ARHGAP26: variants seen among roughly 807,000 people sequenced by gnomAD.
The protein encoded by ARHGAP26 is rho GTPase-activating protein 26.
ARHGAP26 carries 38 observed loss-of-function variants against 104.8 expected under a neutral mutation model. The observed-to-expected ratio is 0.36, with a 90% CI of 0.28 to 0.48. The LOEUF (loss-of-function observed/expected upper bound fraction) is 0.48. ARHGAP26 is among the 20% of genes least tolerant of loss of function. The probability of loss-of-function intolerance (pLI) is 0.99; values close to 1 mark genes in which losing one functional copy is unlikely to be tolerated. For synonymous variants in ARHGAP26, 341 were observed against 340.0 expected (o/e 1.00, Z -0.03); for missense variants, 704 against 947.9 (o/e 0.74, Z 3.38).
chr5:143,164,266 G>A (rs1327048605), intron 20 of ARHGAP26, among the ~76,000 whole-genome samples: 1 of 152,220 alleles, frequency 6.6e-6, no homozygotes, highest in Non-Finnish European at 1.5e-5. Context: ...GAAAAAATAA[G>A]TGAAGAGAGA....
chr5:142,791,471 G>A (rs1039974774), intron 1 of ARHGAP26, among the ~76,000 whole-genome samples: 4 of 152,144 alleles, frequency 2.6e-5, no homozygotes, highest in Non-Finnish European at 2.9e-5. Context: ...GCACTATGCA[G>A]GAAGGCCAGG....
chr5:143,181,185 T>C (rs1309824221), intron 20 of ARHGAP26, among the ~76,000 whole-genome samples: 2 of 152,234 alleles, frequency 1.3e-5, no homozygotes, highest in African/African-American at 4.8e-5. Flanking sequence ...CCATGCAAGC[T>C]TGAACACAGC....
In ARHGAP26 at chr5:143,193,005, A is replaced by G. The variant is rs1214231576; in HGVS notation, c.1989-14193A>G. Among the ~76,000 whole-genome samples, 3 of 152,162 alleles carry G rather than the reference A, an allele frequency of 2.0e-5. No homozygotes were observed. The East Asian group carries it at 5.8e-4, about 29-fold the overall frequency. ...CCTTGGCTTCAGTTACTTATGGTCA[A>G]TGACTGTCTGAAAATATTAAATGAA... On this transcript the variant is annotated intron_variant, in intron 20 of 22. Coordinates refer to ENST00000645722, the MANE Select transcript of ARHGAP26 (RefSeq NM_001135608.3).
intron 1 of ARHGAP26, 43 bp downstream of exon 1, chr5:142,770,958 A>G: frequency 6.4e-7 from 1 of 1,555,130 alleles, no homozygotes; most frequent in South Asian, 1.2e-5. Flanking sequence ...CCGGGGCGGG[A>G]GGAACTGGGA....
At chr5:142,836,797 A>G (rs1769665238) in intron 1 of ARHGAP26, among the ~76,000 whole-genome samples, 1 of 152,230 alleles carries the variant, frequency 6.6e-6, no homozygotes, top group Non-Finnish European at 1.5e-5. Context: ...TAGGCATTTT[A>G]CAGGTATTAT....
intron 1 of ARHGAP26, among the ~76,000 whole-genome samples, chr5:142,852,872 G>C (rs1751761408): frequency 1.3e-5 from 2 of 152,218 alleles, no homozygotes; most frequent in African/African-American, 4.8e-5. Flanking sequence ...AGGGATTCGA[G>C]CTGCTGTCTC....
Position 143,054,467 on chromosome 5 carries a change from A to G in ARHGAP26, c.1314A>G (p.Thr438=). The part of the protein sequence containing the change: ...MDPKTASETE[T]DICAEWEIKT... ...CCAAGACTGCTTCTGAGACAGAAACAGATATCTGTGCTGAATGGGAGATAA... is the reference window on the plus strand; with the variant it reads ...CCAAGACTGCTTCTGAGACAGAAACGGATATCTGTGCTGAATGGGAGATAA... The change falls in exon 15 of 23, where the codon ACA becomes ACG. Residue 438 remains threonine, a synonymous_variant. Coordinates refer to ENST00000645722, the MANE Select transcript of ARHGAP26 (RefSeq NM_001135608.3). 2 of 1,613,336 alleles carry G rather than the reference A, an allele frequency of 1.2e-6. No homozygotes were observed. Among genetic ancestry groups the G allele is most frequent in the Non-Finnish European group, 1.7e-6 (2 of 1,179,608 alleles).
chr5:143,045,725 C>T (rs923348174), intron 14 of ARHGAP26, among the ~76,000 whole-genome samples: 9 of 152,144 alleles, frequency 5.9e-5, no homozygotes, highest in Non-Finnish European at 1.0e-4. Flanking sequence ...TGGTCAGGTG[C>T]GGTGGCTCAT....
chr5:142,793,252 CTTTTTTTTTTTT>C (rs56941301), intron 1 of ARHGAP26, among the ~76,000 whole-genome samples: 4 of 107,174 alleles, frequency 3.7e-5, no homozygotes, highest in Non-Finnish European at 5.4e-5. Context: ...TATCCCTTTG[CTTTTTTTTTTTT>C]TTTTTTTTTT....
At chr5:143,037,703 C>T (rs1026316456) in intron 13 of ARHGAP26, among the ~76,000 whole-genome samples, 3 of 152,164 alleles carry the variant, frequency 2.0e-5, no homozygotes, top group African/African-American at 7.2e-5. Flanking sequence ...GTTGCAGGTA[C>T]CGCTAATGCT....
intron 5 of ARHGAP26, among the ~76,000 whole-genome samples, chr5:142,889,581 C>CA (rs200481847): frequency 0.013 from 1,904 of 152,112 alleles, 46 homozygotes; most frequent in African/African-American, 0.044. Flanking sequence ...TCATGCCACT[C>CA]CACTCCAGCC....
At position 142,988,448 on chromosome 5, in the gene ARHGAP26, G is replaced by A. The variant is rs146849542; in HGVS notation, c.1108-25632G>A. Among the ~76,000 whole-genome samples the A allele has an allele frequency of 8.3e-3, 1,270 of 152,198 alleles. 15 individuals carry two copies. Among genetic ancestry groups the A allele is most frequent in the African/African-American group, 0.028 (1,175 of 41,520 alleles). On this transcript the variant is annotated intron_variant, in intron 11 of 22. Coordinates refer to ENST00000645722, the MANE Select transcript of ARHGAP26 (RefSeq NM_001135608.3). ...GATCTTTTCAAAAAACTAGCTGCTG[G>A]ATTCATTGATTTTTTGAAGGGTTTT... is the stretch of plus-strand genomic sequence containing the variant.
intron 17 of ARHGAP26, chr5:143,058,271 T>C (rs1786156173): frequency 4.2e-6 from 1 of 240,642 alleles, no homozygotes; most frequent in Admixed American, 5.1e-5. Flanking sequence ...CCCCTTTTTC[T>C]ACAAGGATCA....
intron 20 of ARHGAP26, among the ~76,000 whole-genome samples, chr5:143,157,714 G>A (rs932969025): frequency 1.3e-5 from 2 of 152,214 alleles, no homozygotes; most frequent in Non-Finnish European, 2.9e-5. Context: ...CTATGGTAGA[G>A]ATCCTTTCAG....
chr5:142,906,528 A>G (rs1761131342), intron 8 of ARHGAP26, among the ~76,000 whole-genome samples: 1 of 152,100 alleles, frequency 6.6e-6, no homozygotes, highest in Non-Finnish European at 1.5e-5. Flanking sequence ...CTATCCATCC[A>G]TCCGTCCGTC....
intron 20 of ARHGAP26, among the ~76,000 whole-genome samples, chr5:143,181,944 T>C (rs562726971): frequency 3.3e-5 from 5 of 152,300 alleles, no homozygotes; most frequent in African/African-American, 1.2e-4. Context: ...AACTAACCTC[T>C]CCGACTTCCC....
chr5:142,955,513 G>T (rs1231290335), intron 11 of ARHGAP26, among the ~76,000 whole-genome samples: 1 of 152,148 alleles, frequency 6.6e-6, no homozygotes, highest in Admixed American at 6.5e-5. Context: ...CAAAAATCCA[G>T]TGAATACTGT....
chr5:143,013,748 G>A (rs551856053), intron 11 of ARHGAP26, among the ~76,000 whole-genome samples: 16 of 152,274 alleles, frequency 1.1e-4, no homozygotes, highest in South Asian at 2.1e-4. Flanking sequence ...TGCCTGGTGC[G>A]CAGTTCATGC....
intron 1 of ARHGAP26, among the ~76,000 whole-genome samples, chr5:142,798,799 T>C (rs752402301): frequency 2.6e-5 from 4 of 152,220 alleles, no homozygotes; most frequent in Non-Finnish European, 4.4e-5. Flanking sequence ...CTTGTCATTT[T>C]ATAAATGCAG....
Sources: allele counts gnomAD v4.1 joint callset (sites outside exome capture counted in the v4.1 genomes callset), GRCh38; gene constraint gnomAD v4.1.1; transcripts MANE v1.5; gene names NCBI Gene and HGNC (gene_info 2026-07-23, HGNC 2026-07-21).